The following LMO1 variants were observed in gnomAD, a reference collection of about 807,000 sequenced individuals.
LMO1 encodes rhombotin-1.
LMO1 carries 10 observed loss-of-function variants against 18.0 expected under a neutral mutation model. The ratio of observed to expected loss-of-function variants is 0.55; its 90% CI spans 0.34 to 0.94. LMO1 has a LOEUF of 0.94. LMO1 is among the 40% of genes least tolerant of loss of function. LMO1 has a pLI of 0.02. For missense variants in LMO1, 183 were observed against 205.7 expected (o/e 0.89, Z 0.68); for synonymous variants, 77 against 77.9 (o/e 0.99, Z 0.06).
chr11:8,230,365 G>C lies in LMO1; in HGVS notation c.165C>G (p.Asp55Glu), dbSNP rs766737622. The change falls in exon 2 of 4, where the codon GAC (aspartate) becomes GAG (glutamate). Residue 55 changes from aspartate to glutamate, a missense_variant. By Grantham distance (45) the Asp-to-Glu change is conservative. Coordinates refer to ENST00000335790, the MANE Select transcript of LMO1 (RefSeq NM_002315.3). ...HEDCLKCACC[D>E]CRLGEVGSTL... is the part of the protein sequence containing the mutation. ...TGGAGCCCACCTCGCCCAGGCGGCA[G>C]TCACAGCAGGCACACTTGAGGCAGT... The C allele has an allele frequency of 6.2e-6, 10 of 1,614,058 alleles. No homozygotes were observed. Among genetic ancestry groups the C allele is most frequent in the Non-Finnish European group, 7.6e-6 (9 of 1,180,010 alleles).
chr11:8,235,899 C>T (rs1952753113), intron 1 of LMO1, among the ~76,000 whole-genome samples: 1 of 152,232 alleles, frequency 6.6e-6, no homozygotes, highest in Non-Finnish European at 1.5e-5. Context: ...GTGTCACTCT[C>T]CTCAACACAT....
intron 1 of LMO1, among the ~76,000 whole-genome samples, chr11:8,261,357 G>C (rs1194338720): frequency 6.6e-6 from 1 of 152,194 alleles, no homozygotes; most frequent in African/African-American, 2.4e-5. Context: ...GCAGGGAGCT[G>C]GCTAAAATGA....
chr11:8,230,040 G>C (rs538813320), intron 2 of LMO1, among the ~76,000 whole-genome samples: 2 of 152,338 alleles, frequency 1.3e-5, no homozygotes, highest in African/African-American at 4.8e-5. Context: ...GCTTAACTTA[G>C]GGGCCCCAGG....
chr11:8,246,075 G>A (rs551571861), intron 1 of LMO1, among the ~76,000 whole-genome samples: 14 of 152,236 alleles, frequency 9.2e-5, no homozygotes, highest in Admixed American at 4.6e-4. Flanking sequence ...AGCCATCCCC[G>A]TGATCCAATC....
At position 8,263,476 on chromosome 11, in the gene LMO1, C is replaced by T. The variant is rs564755395; in HGVS notation, c.-114G>A. 4.2e-5 allele frequency: 64 copies of T among 1,528,430 alleles called. No homozygotes were observed. The South Asian group carries it at 7.3e-4, about 17-fold the overall frequency. 94.7% of individuals were successfully genotyped at this position (1,528,430 alleles called of 1,614,324 possible). A position where few individuals can be genotyped will look rare whatever the true frequency, so the allele number is the denominator to read the frequency against. ...GGGCAGCTAGCGGGCTCTAATTACC[C>T]GCTTGTCCGGCTCTTAACCTAGATT... On this transcript the variant is annotated 5_prime_UTR_variant, in exon 1 of 4. Transcript: ENST00000335790.
At chr11:8,235,533 G>T (rs971022808) in intron 1 of LMO1, among the ~76,000 whole-genome samples, 1 of 152,160 alleles carries the variant, frequency 6.6e-6, no homozygotes, top group Non-Finnish European at 1.5e-5. Flanking sequence ...ACCTCATTCA[G>T]ATTTTACCAA....
At chr11:8,264,602 CT>C (rs922885044), upstream of LMO1, among the ~76,000 whole-genome samples, 3 of 151,832 alleles carry the variant, frequency 2.0e-5, no homozygotes, top group African/African-American at 4.8e-5. Context: ...TACCCACCTA[CT>C]TTTTTTCTTT....
intron 2 of LMO1, among the ~76,000 whole-genome samples, chr11:8,229,087 A>G (rs1011160579): frequency 2.0e-5 from 3 of 151,034 alleles, no homozygotes; most frequent in Admixed American, 6.6e-5. Flanking sequence ...GGGTTTCACC[A>G]TGTTGCCCAG....
At chr11:8,238,474 A>T (rs1952799502) in intron 1 of LMO1, among the ~76,000 whole-genome samples, 1 of 152,166 alleles carries the variant, frequency 6.6e-6, no homozygotes, top group African/African-American at 2.4e-5. Context: ...GATCGAGCCC[A>T]TCCTGGCTAA....
chr11:8,260,437 G>A (rs1055179880), intron 1 of LMO1, among the ~76,000 whole-genome samples: 4 of 152,152 alleles, frequency 2.6e-5, no homozygotes, highest in Admixed American at 2.0e-4. Context: ...TAGGCCAAGA[G>A]CAAGCATCCA....
At chr11:8,253,287 C>A (rs1463228043) in intron 1 of LMO1, among the ~76,000 whole-genome samples, 1 of 152,230 alleles carries the variant, frequency 6.6e-6, no homozygotes, top group East Asian at 1.9e-4. Flanking sequence ...TTCCAAAGCA[C>A]ATCCACTTCC....
At position 8,261,097 on chromosome 11, in the gene LMO1, G is replaced by A. The variant is rs968109479; in HGVS notation, c.25+2241C>T. Among the ~76,000 whole-genome samples, 99 of 152,190 alleles carry A rather than the reference G, an allele frequency of 6.5e-4. 2 individuals carry two copies. The highest frequency in any genetic ancestry group is 1.8e-4 in the Non-Finnish European group (12 of 68,046). On this transcript the variant is annotated intron_variant, in intron 1 of 3. Coordinates refer to ENST00000335790, the MANE Select transcript of LMO1 (RefSeq NM_002315.3). ...TAGGGAGTGGAGTGCAGATGCATGA[G>A]CAGAAACGTCGCTTTTGAAAGACAG...
chr11:8,268,325 T>G (rs2134598564), upstream of LMO1: 1 of 1,047,316 alleles, frequency 9.5e-7, no homozygotes, highest in Non-Finnish European at 1.3e-6. Context: ...TGCTGAGGGC[T>G]CTGCCGCCGC....
chr11:8,234,230 T>C (rs750693960), intron 1 of LMO1, among the ~76,000 whole-genome samples: 47 of 152,020 alleles, frequency 3.1e-4, no homozygotes, highest in Non-Finnish European at 5.7e-4. Flanking sequence ...AGCCTCCCAG[T>C]CTGACTCATC....
At chr11:8,251,132 C>T (rs1846984582) in intron 1 of LMO1, among the ~76,000 whole-genome samples, 2 of 152,198 alleles carry the variant, frequency 1.3e-5, no homozygotes, top group Non-Finnish European at 2.9e-5. Context: ...CTGCCACACC[C>T]ATTCCCCAAC....
intron 1 of LMO1, among the ~76,000 whole-genome samples, chr11:8,250,988 C>T (rs1043814546): frequency 6.6e-6 from 1 of 152,112 alleles, no homozygotes; most frequent in East Asian, 1.9e-4. Flanking sequence ...CACCTGGATT[C>T]GAGTGTGACA....
rs370791579 is a variant in LMO1, at chr11:8,228,310, AC to A, written c.240-1211del. ...CTCCTTGCTTCTTTCCTGCACACAG[AC>A]AGAGCAAGCCCCAAGTGAGGCAAGG... On this transcript the variant is annotated intron_variant, in intron 2 of 3. Coordinates refer to ENST00000335790, the MANE Select transcript of LMO1 (RefSeq NM_002315.3). Among the ~76,000 whole-genome samples, 568 of 152,356 alleles carry A rather than the reference AC, an allele frequency of 3.7e-3. 5 individuals carry two copies. The highest frequency in any genetic ancestry group is 0.013 in the African/African-American group (554 of 41,576).
At chr11:8,229,914 C>T (rs1952622016) in intron 2 of LMO1, among the ~76,000 whole-genome samples, 2 of 152,310 alleles carry the variant, frequency 1.3e-5, no homozygotes, top group Non-Finnish European at 2.9e-5. Context: ...GAAGTCAAAG[C>T]TTCCACACCT....
intron 1 of LMO1, among the ~76,000 whole-genome samples, chr11:8,234,220 A>G (rs1952721109): frequency 6.6e-6 from 1 of 152,076 alleles, no homozygotes; most frequent in East Asian, 1.9e-4. Context: ...CTGGGAGAGA[A>G]GCCTCCCAGT....
Sources: gnomAD v4.1 joint callset for allele counts (sites outside exome capture counted in the v4.1 genomes callset) on GRCh38, gnomAD v4.1.1 for gene constraint, MANE v1.5 for transcripts, NCBI Gene and HGNC (gene_info 2026-07-23, HGNC 2026-07-21) for gene names.